LRP1B: variants seen among roughly 807,000 people sequenced by gnomAD.
LRP1B encodes the protein low-density lipoprotein receptor-related protein 1B.
Under a neutral mutation model 556.6 loss-of-function variants are expected in LRP1B, and 217 were observed. That is an observed-to-expected ratio of 0.39 (90% CI 0.35 to 0.44). The LOEUF (loss-of-function observed/expected upper bound fraction) is 0.44. Among genes scored for constraint, LRP1B ranks in the 20% least tolerant of loss-of-function variants. The pLI is 1.00. For missense variants in LRP1B, 5,053 were observed against 5,620.8 expected (o/e 0.90, Z 3.23); for synonymous variants, 2,047 against 1,865.8 (o/e 1.10, Z -2.50).
At chr2:140,845,188 C>G (rs570968532) in intron 29 of LRP1B, among the ~76,000 whole-genome samples, 1 of 152,098 alleles carries the variant, frequency 6.6e-6, no homozygotes, top group Non-Finnish European at 1.5e-5. Flanking sequence ...AAGAACAGGT[C>G]TCTACTGTGC....
chr2:141,572,494 TCA>T (rs1686565656), intron 2 of LRP1B, among the ~76,000 whole-genome samples: 3 of 151,738 alleles, frequency 2.0e-5, no homozygotes, highest in Non-Finnish European at 4.4e-5. Flanking sequence ...ATATAAAAGA[TCA>T]ATGACACTAT....
Position 141,138,370 on chromosome 2 carries a change from G to C in LRP1B, c.1013+50051C>G, listed in dbSNP as rs568145011. 2.6e-5 allele frequency among the ~76,000 whole-genome samples: 4 copies of C among 151,966 alleles called. No homozygotes were observed. In the East Asian group the frequency reaches 7.7e-4, roughly 29 times the overall value. ...AAGAACAGGAACAAGACAAGACAGG[G>C]ATCTGCTCTTATCACTTCTATTCAA... On this transcript the variant is annotated intron_variant, in intron 7 of 90. Transcript: ENST00000389484.
chr2:140,450,568 G>A lies in LRP1B; in HGVS notation c.10057C>T (p.Pro3353Ser), dbSNP rs560850065. The change falls in exon 63 of 91, where the codon CCT (proline) becomes TCT (serine). Residue 3353 changes from proline to serine, a missense_variant and splice_region_variant. Pro to Ser is a moderately conservative substitution (Grantham distance 74). Transcript: ENST00000389484. ...GDGSDEPDDC[P>S]EFRCQPGRFQ... ...TTTCAATATTTGCCAGTATACTCAC[G>A]ACAGTCATCAGGTTCATCAGATCCA... The A allele has an allele frequency of 1.0e-5, 16 of 1,603,176 alleles. No individual in the cohort carries two copies. Among genetic ancestry groups the A allele is most frequent in the South Asian group, 2.2e-5 (2 of 90,530 alleles).
intron 35 of LRP1B, among the ~76,000 whole-genome samples, chr2:140,741,807 G>A (rs1025937788): frequency 6.6e-6 from 1 of 151,816 alleles, no homozygotes; most frequent in African/African-American, 2.4e-5. Context: ...TTCCTTCTTT[G>A]TATCTATATG....
chr2:140,800,332 G>T (rs1690464772), intron 32 of LRP1B, among the ~76,000 whole-genome samples: 1 of 151,966 alleles, frequency 6.6e-6, no homozygotes, highest in African/African-American at 2.4e-5. Flanking sequence ...CACCAACATG[G>T]CACATGTATA....
chr2:140,584,673 C>G (rs185792793), intron 43 of LRP1B, among the ~76,000 whole-genome samples: 4 of 152,216 alleles, frequency 2.6e-5, no homozygotes, highest in Admixed American at 2.0e-4. Flanking sequence ...TCTTTTCAGA[C>G]AGTCTGGCTT....
At chr2:141,126,375 C>T (rs1701212551) in intron 7 of LRP1B, among the ~76,000 whole-genome samples, 2 of 152,118 alleles carry the variant, frequency 1.3e-5, no homozygotes, top group South Asian at 4.1e-4. Context: ...TCTTCTTCCT[C>T]GCCATTCGAT....
At chr2:140,911,843 A>T (rs1248828388) in intron 21 of LRP1B, among the ~76,000 whole-genome samples, 2 of 151,800 alleles carry the variant, frequency 1.3e-5, no homozygotes, top group African/African-American at 4.8e-5. Context: ...TGACTCCAAA[A>T]TGACCTTAGA....
At chr2:141,333,735 T>C (rs576189389) in intron 3 of LRP1B, among the ~76,000 whole-genome samples, 1 of 152,324 alleles carries the variant, frequency 6.6e-6, no homozygotes, top group Non-Finnish European at 1.5e-5. Flanking sequence ...ATCCAGATCT[T>C]CTGAGTCCAA....
At chr2:142,013,287 G>A (rs943162463) in intron 1 of LRP1B, among the ~76,000 whole-genome samples, 10 of 152,094 alleles carry the variant, frequency 6.6e-5, no homozygotes, top group Non-Finnish European at 1.2e-4. Flanking sequence ...AGGAAGTAAT[G>A]TTAAACTCTT....
intron 66 of LRP1B, among the ~76,000 whole-genome samples, chr2:140,403,668 G>A (rs186067336): frequency 6.6e-6 from 1 of 152,266 alleles, no homozygotes; most frequent in Admixed American, 6.5e-5. Context: ...ATGTTTCTGA[G>A]AGAAAAGAGA....
chr2:140,510,433 C>T (rs1005345520), intron 51 of LRP1B, among the ~76,000 whole-genome samples: 15 of 152,284 alleles, frequency 9.9e-5, no homozygotes, highest in African/African-American at 3.1e-4. Context: ...TTGCTTAATA[C>T]GTGCTAAGCA....
At chr2:140,932,938 CACATATACACATAT>C (rs990381648) in intron 20 of LRP1B, among the ~76,000 whole-genome samples, 10 of 109,024 alleles carry the variant, frequency 9.2e-5, no homozygotes, top group African/African-American at 2.9e-4. Context: ...TATATATATA[CACATATACACATAT>C]ACATATACAC....
chr2:140,702,577 A>G (rs759345035), intron 37 of LRP1B, 24 bp from the exon 38 acceptor site: 4 of 1,609,300 alleles, frequency 2.5e-6, no homozygotes, highest in Non-Finnish European at 3.4e-6. Context: ...GTTAATTTGT[A>G]GTGTTTATGT....
At chr2:141,739,254 C>A (rs905631274) in intron 2 of LRP1B, among the ~76,000 whole-genome samples, 7 of 151,986 alleles carry the variant, frequency 4.6e-5, no homozygotes, top group African/African-American at 1.7e-4. Context: ...CAATAATCTC[C>A]TGGGAGGTTG....
Position 140,311,828 on chromosome 2 carries a change from TTAAA to T in LRP1B, c.12805+3103_12805+3106del, listed in dbSNP as rs377590472. On this transcript the variant is annotated intron_variant, in intron 83 of 90. Transcript: ENST00000389484. ...TCAAAGAAAAGCAAAGATGGGCAGT[TTAAA>T]TGAATGTTCACTCTTTAAGATATCA... 7.8e-4 allele frequency among the ~76,000 whole-genome samples: 119 copies of T among 152,018 alleles called. 1 individual carries two copies. Among genetic ancestry groups the T allele is most frequent in the African/African-American group, 2.5e-3 (105 of 41,544 alleles).
chr2:141,120,226 T>A (rs1701012578), intron 7 of LRP1B, among the ~76,000 whole-genome samples: 1 of 151,960 alleles, frequency 6.6e-6, no homozygotes, highest in African/African-American at 2.4e-5. Flanking sequence ...TTGCTCTTTG[T>A]AATGTACTCA....
At chr2:141,352,333 C>T (rs1293961202) in intron 3 of LRP1B, among the ~76,000 whole-genome samples, 2 of 151,856 alleles carry the variant, frequency 1.3e-5, no homozygotes, top group Non-Finnish European at 2.9e-5. Context: ...AGAAATGTGG[C>T]ATGAAATTTA....
chr2:142,072,545 A>G (rs1705358207), intron 1 of LRP1B, among the ~76,000 whole-genome samples: 1 of 151,964 alleles, frequency 6.6e-6, no homozygotes, highest in South Asian at 2.1e-4. Flanking sequence ...ATTTGAATGC[A>G]GCCCAATACA....
Sources: allele counts gnomAD v4.1 joint callset (sites outside exome capture counted in the v4.1 genomes callset), GRCh38; gene constraint gnomAD v4.1.1; transcripts MANE v1.5; gene names NCBI Gene and HGNC (gene_info 2026-07-23, HGNC 2026-07-21).